TRRAP: variants seen among roughly 807,000 people sequenced by gnomAD.
The protein encoded by TRRAP is transformation/transcription domain associated protein.
A neutral mutation model predicts 438.8 loss-of-function variants in TRRAP; 41 were observed. That is an observed-to-expected ratio of 0.09 (90% CI 0.07 to 0.12). TRRAP has a LOEUF of 0.12. TRRAP is among the 10% of genes least tolerant of loss of function. TRRAP has a pLI of 1.00. For synonymous variants in TRRAP, 1,994 were observed against 1,962.9 expected (o/e 1.02, Z -0.42); for missense variants, 3,122 against 5,055.1 (o/e 0.62, Z 11.60).
chr7:98,911,964 T>C, intron 17 of TRRAP, 58 bp from the exon 18 acceptor site: 1 of 1,499,098 alleles, frequency 6.7e-7, no homozygotes, highest in Non-Finnish European at 9.1e-7. Flanking sequence ...TACTACTTTG[T>C]CTTAAAACTG....
In TRRAP at chr7:98,990,438, T is replaced by C. The variant is rs753026655; in HGVS notation, c.9592-17T>C. ...CAGAATTGTCATTCTACTCTAGAAT[T>C]TCTCCTTCTGTCTCAGGTGCTGTGG... On this transcript the variant is annotated splice_polypyrimidine_tract_variant and intron_variant, in intron 63 of 72. Transcript: ENST00000456197. The C allele has an allele frequency of 6.2e-7, 1 of 1,609,064 alleles. No homozygotes were observed. The highest frequency in any genetic ancestry group is 2.2e-5 in the East Asian group (1 of 44,722).
Position 98,976,985 on chromosome 7 carries a change from A to T in TRRAP, c.8294A>T (p.Glu2765Val). The change falls in exon 56 of 73, where the codon GAA (glutamate) becomes GTA (valine). Residue 2765 changes from glutamate (E) to valine (V), a missense_variant. Glu to Val is a moderately radical substitution (Grantham distance 121, BLOSUM62 -2). This residue lies in a region of TRRAP where 992 missense variants were observed against 1,281.2 expected (regional missense o/e 0.77). Transcript: ENST00000456197. The surrounding 1 kb of genome is among the most constrained non-coding windows in gnomAD (Gnocchi z 4.6). Reference protein sequence around the residue: ...LAELYSLLQEEDMWAGLWQKR... With the variant: ...LAELYSLLQEVDMWAGLWQKR... ...GAGCTTTACTCCCTGTTACAAGAGG[A>T]AGATATGTGGGCTGGTCTGTGGCAG... 1 of 1,614,156 alleles carries T rather than the reference A, an allele frequency of 6.2e-7. No individual in the cohort carries two copies. The highest frequency in any genetic ancestry group is 2.2e-5 in the East Asian group (1 of 44,878).
chr7:98,920,429 C>T (rs1268938434), intron 20 of TRRAP, among the ~76,000 whole-genome samples: 10 of 150,854 alleles, frequency 6.6e-5, no homozygotes, highest in South Asian at 2.1e-4. Flanking sequence ...GAGATTGCAC[C>T]ACTGCACTCC....
chr7:98,953,264 T>C lies in TRRAP; in HGVS notation c.5561T>C (p.Ile1854Thr). Residue 1854 changes from isoleucine (I) to threonine (T), a missense_variant, in exon 40 of 73, where the codon ATC becomes ACC. By Grantham distance (89) the Ile-to-Thr change is moderately conservative (BLOSUM62 -1). Transcript: ENST00000456197. ...CTGGTGGAGCACGCCCCCCACCACATCCATGACAACAACAAGAACCGCAAC... is the reference window on the plus strand; with the variant it reads ...CTGGTGGAGCACGCCCCCCACCACACCCATGACAACAACAAGAACCGCAAC... ...TLLVEHAPHH[I>T]HDNNKNRNSK... The C allele has an allele frequency of 1.2e-6, 2 of 1,613,458 alleles. No homozygotes were observed. The highest frequency in any genetic ancestry group is 1.7e-6 in the Non-Finnish European group (2 of 1,179,956).
At chr7:98,972,696 T>G (rs1258263418) in intron 53 of TRRAP, among the ~76,000 whole-genome samples, 5 of 152,256 alleles carry the variant, frequency 3.3e-5, no homozygotes, top group African/African-American at 4.8e-5. Flanking sequence ...GGTATTTTTC[T>G]GTTCTTTCAG....
At chr7:98,889,538 CTTTT>C (rs72212667) in intron 3 of TRRAP, among the ~76,000 whole-genome samples, 3 of 77,900 alleles carry the variant, frequency 3.9e-5, no homozygotes, top group Admixed American at 1.5e-4. Context: ...TCCTATTCTC[CTTTT>C]TTTTTTTTTT....
At chr7:98,923,637 C>T (rs1789902525) in intron 21 of TRRAP, among the ~76,000 whole-genome samples, 1 of 152,206 alleles carries the variant, frequency 6.6e-6, no homozygotes, top group African/African-American at 2.4e-5. Flanking sequence ...ACATGCAGTT[C>T]CGCAATACCC....
intron 41 of TRRAP, among the ~76,000 whole-genome samples, 184 bp from the exon 42 acceptor site, chr7:98,955,962 A>G (rs982221703): frequency 2.6e-5 from 4 of 152,196 alleles, no homozygotes; most frequent in South Asian, 2.1e-4. Context: ...AAACACATAC[A>G]TAAGGCAGTG....
intron 31 of TRRAP, among the ~76,000 whole-genome samples, chr7:98,944,319 A>G (rs1308659617): frequency 2.0e-5 from 3 of 152,242 alleles, no homozygotes; most frequent in Non-Finnish European, 4.4e-5. Flanking sequence ...CCTCATTTGA[A>G]TCAAAAAGAT....
intron 5 of TRRAP, 104 bp downstream of exon 5, chr7:98,892,632 C>T: frequency 1.0e-6 from 1 of 998,310 alleles, no homozygotes; most frequent in Non-Finnish European, 1.4e-6. Flanking sequence ...ATCTTTCTCC[C>T]AAATTCCAAG....
At chr7:98,904,436 A>G (rs1277326398) in intron 12 of TRRAP, among the ~76,000 whole-genome samples, 3 of 140,998 alleles carry the variant, frequency 2.1e-5, no homozygotes, top group Non-Finnish European at 4.6e-5. Flanking sequence ...GTGAGCCAAG[A>G]TGGCGCCACT....
intron 20 of TRRAP, 33 bp downstream of exon 20, chr7:98,917,712 T>C: frequency 6.2e-7 from 1 of 1,603,492 alleles, no homozygotes; most frequent in Non-Finnish European, 8.5e-7. Flanking sequence ...AGCTGGCTGC[T>C]TCCCTGGAAG....
At chr7:98,957,927 G>A (rs1791698830) in intron 43 of TRRAP, 54 bp from the exon 44 acceptor site, 1 of 1,522,586 alleles carries the variant, frequency 6.6e-7, no homozygotes. Context: ...TCAAGCCTGG[G>A]TTGGAAATTA....
At chr7:98,889,536 TCC>T (rs1428869760) in intron 3 of TRRAP, among the ~76,000 whole-genome samples, 6 of 109,956 alleles carry the variant, frequency 5.5e-5, no homozygotes, top group Non-Finnish European at 1.0e-4. Flanking sequence ...TTTCCTATTC[TCC>T]TTTTTTTTTT....
intron 3 of TRRAP, among the ~76,000 whole-genome samples, chr7:98,886,455 T>A (rs560326228): frequency 6.6e-6 from 1 of 151,834 alleles, no homozygotes. Flanking sequence ...TAGATAGATA[T>A]AGATATCTAG....
intron 28 of TRRAP, among the ~76,000 whole-genome samples, chr7:98,936,207 G>A (rs531250215): frequency 6.6e-6 from 1 of 152,156 alleles, no homozygotes; most frequent in South Asian, 2.1e-4. Context: ...AAACTTTTTT[G>A]GTTGACTCTC....
intron 51 of TRRAP, among the ~76,000 whole-genome samples, chr7:98,968,425 G>A (rs945060552): frequency 1.2e-4 from 19 of 152,358 alleles, no homozygotes; most frequent in African/African-American, 4.3e-4. Flanking sequence ...ACACAAGCGT[G>A]TTTAACATGC....
chr7:99,008,678 G>A (rs192996366), intron 70 of TRRAP, 117 bp downstream of exon 70: 7 of 1,096,406 alleles, frequency 6.4e-6, no homozygotes, highest in Non-Finnish European at 9.0e-6. Context: ...GGCCACCTCT[G>A]TCATTTAAAG....
chr7:99,005,311 G>C lies in TRRAP; in HGVS notation c.10716G>C (p.Lys3572Asn). Residue 3572 changes from lysine to asparagine, a missense_variant, in exon 69 of 73, where the codon AAG becomes AAC. Transcript: ENST00000456197. This position sits in a 1 kb window ranked among gnomAD's most constrained non-coding sequence, Gnocchi z 5.1. ...LLRLLNPCLEKRKETTKRHLF... is the reference protein window; with the variant it reads ...LLRLLNPCLENRKETTKRHLF... ...GTCTGCTGAACCCCTGTTTGGAGAAGAGAAAGGAGACCACCAAGAGGCACT... is the reference window on the plus strand; with the variant it reads ...GTCTGCTGAACCCCTGTTTGGAGAACAGAAAGGAGACCACCAAGAGGCACT... 1 of 1,614,068 alleles carries C rather than the reference G, an allele frequency of 6.2e-7. No individual in the cohort carries two copies. The highest frequency in any genetic ancestry group is 8.5e-7 in the Non-Finnish European group (1 of 1,180,030).
Sources: gnomAD v4.1 joint callset for allele counts (sites outside exome capture counted in the v4.1 genomes callset) on GRCh38, gnomAD v4.1.1 for gene constraint, gnomAD v4.1.1 regional missense constraint, Gnocchi (gnomAD v3.1) non-coding constraint, MANE v1.5 for transcripts, NCBI Gene and HGNC (gene_info 2026-07-23, HGNC 2026-07-21) for gene names.